The following CNDP1 variants were observed in gnomAD, a reference collection of about 807,000 sequenced individuals.
The protein encoded by CNDP1 is carnosine dipeptidase 1, also known as beta-Ala-His dipeptidase.
CNDP1 carries 44 observed loss-of-function variants against 58.1 expected under a neutral mutation model. That is an observed-to-expected ratio of 0.76 (90% CI 0.60 to 0.97). CNDP1 has a LOEUF of 0.97. Ranked by LOEUF, CNDP1 falls within the 50% of genes least tolerant of loss-of-function variation. The probability of loss-of-function intolerance (pLI) is 0.00; values close to 1 mark genes in which losing one functional copy is unlikely to be tolerated. For missense variants in CNDP1, 616 were observed against 655.1 expected (o/e 0.94, Z 0.65); for synonymous variants, 254 against 252.6 (o/e 1.01, Z -0.05).
chr18:74,546,146 A>G (rs1599086769), intron 1 of CNDP1, among the ~76,000 whole-genome samples: 1 of 152,230 alleles, frequency 6.6e-6, no homozygotes, highest in Middle Eastern at 3.4e-3. Context: ...TGGCTCTGTC[A>G]TTGTGCTACA....
At chr18:74,581,028 G>A (rs1981776407) in intron 10 of CNDP1, among the ~76,000 whole-genome samples, 1 of 152,144 alleles carries the variant, frequency 6.6e-6, no homozygotes, top group Non-Finnish European at 1.5e-5. Context: ...AATCCTTCAG[G>A]GTTGAAAATG....
intron 6 of CNDP1, among the ~76,000 whole-genome samples, chr18:74,568,703 G>C (rs1346659131): frequency 6.6e-6 from 1 of 152,094 alleles, no homozygotes; most frequent in Non-Finnish European, 1.5e-5. Flanking sequence ...ATTTTTTTCT[G>C]TTTAGTAGGA....
At chr18:74,565,789 G>A (rs1178639054) in intron 5 of CNDP1, among the ~76,000 whole-genome samples, 1 of 152,128 alleles carries the variant, frequency 6.6e-6, no homozygotes, top group Non-Finnish European at 1.5e-5. Context: ...CTACCATTCT[G>A]GGGTCTGGAG....
intron 7 of CNDP1, among the ~76,000 whole-genome samples, chr18:74,571,753 C>T (rs1055504024): frequency 3.3e-5 from 5 of 152,162 alleles, no homozygotes; most frequent in Admixed American, 6.5e-5. Flanking sequence ...GGCCCTTCAC[C>T]CACTTTCTCA....
At chr18:74,581,241 TG>T in intron 10 of CNDP1, among the ~76,000 whole-genome samples, 1 of 151,602 alleles carries the variant, frequency 6.6e-6, no homozygotes, top group South Asian at 2.1e-4. Context: ...TGTGTGTGTG[TG>T]TGTGTGTGTG....
chr18:74,570,123 T>C (rs7505047), intron 6 of CNDP1, among the ~76,000 whole-genome samples: 56,129 of 149,046 alleles, frequency 0.38, 12,887 homozygotes, highest in African/African-American at 0.65. Context: ...TGCTTGAAGC[T>C]GGGAGGCGGA....
At chr18:74,573,444 G>GTATCTATC (rs1160578646) in intron 7 of CNDP1, among the ~76,000 whole-genome samples, 67,579 of 146,368 alleles carry the variant, frequency 0.46, 15,863 homozygotes, top group Admixed American at 0.54. Flanking sequence ...ATCTATCTAT[G>GTATCTATC]TATCTATGTA....
At chr18:74,573,189 TTATC>T (rs1162044252) in intron 7 of CNDP1, among the ~76,000 whole-genome samples, 6 of 152,078 alleles carry the variant, frequency 3.9e-5, no homozygotes, top group Non-Finnish European at 5.9e-5. Flanking sequence ...TATCCATCCA[TTATC>T]TATCTATCCA....
rs1014704367 is a variant in CNDP1, at chr18:74,583,774, G to A, written c.1457+66G>A. The A allele has an allele frequency of 3.3e-5, 49 of 1,483,028 alleles. 1 individual carries two copies. The highest frequency in any genetic ancestry group is 2.8e-5 in the African/African-American group (2 of 72,410). The allele number at this position is 1,483,028 out of a possible 1,614,324, so 91.9% of individuals were successfully genotyped here. A position where few individuals can be genotyped will look rare whatever the true frequency, so the allele number is the denominator to read the frequency against. On this transcript the variant is annotated intron_variant, in intron 11 of 11. Transcript: ENST00000358821. ...TTACTGCACACACCCGGGTCTACACGTGGGTGAGCTCCTGTTCAATTTATG... is the reference window on the plus strand; with the variant it reads ...TTACTGCACACACCCGGGTCTACACATGGGTGAGCTCCTGTTCAATTTATG...
intron 5 of CNDP1, 21 bp downstream of exon 5, chr18:74,562,156 G>C (rs1568296499): frequency 6.2e-7 from 1 of 1,606,694 alleles, no homozygotes; most frequent in South Asian, 1.1e-5. Context: ...GCTGTGTTTG[G>C]GAGAGAGGAG....
At chr18:74,574,680 C>T (rs1981582683) in intron 7 of CNDP1, 1 of 152,184 alleles carries the variant, frequency 6.6e-6, no homozygotes, top group South Asian at 2.1e-4. Flanking sequence ...AACTCTTAAG[C>T]ATACTATTTT....
At chr18:74,564,626 T>A (rs1347090315) in intron 5 of CNDP1, among the ~76,000 whole-genome samples, 2 of 152,222 alleles carry the variant, frequency 1.3e-5, no homozygotes, top group Non-Finnish European at 2.9e-5. Context: ...AAATTCCTTT[T>A]GGGGAGAAGG....
intron 9 of CNDP1, among the ~76,000 whole-genome samples, chr18:74,579,203 G>GCCTTCCCTTCCCTTCCCTTC (rs1555743780): frequency 1.4e-4 from 17 of 125,518 alleles, no homozygotes; most frequent in Non-Finnish European, 2.6e-4. Context: ...CCCTTCCCTT[G>GCCTTCCCTTCCCTTCCCTTC]CCTTCCCTTC....
At chr18:74,537,081 G>A (rs1189823609) in intron 1 of CNDP1, among the ~76,000 whole-genome samples, 1 of 152,170 alleles carries the variant, frequency 6.6e-6, no homozygotes, top group East Asian at 1.9e-4. Flanking sequence ...CTATTCTGTA[G>A]GTTGTCCGTT....
At chr18:74,561,810 T>C (rs898332350) in intron 4 of CNDP1, among the ~76,000 whole-genome samples, 1 of 152,206 alleles carries the variant, frequency 6.6e-6, no homozygotes, top group African/African-American at 2.4e-5. Context: ...AATTAGCTTA[T>C]CTTATCTGAC....
At chr18:74,580,830 G>T (rs1003480397) in intron 10 of CNDP1, among the ~76,000 whole-genome samples, 1 of 152,134 alleles carries the variant, frequency 6.6e-6, no homozygotes, top group Non-Finnish European at 1.5e-5. Flanking sequence ...TTAGCTGGGC[G>T]TGGTGGCACA....
At position 74,556,408 on chromosome 18, in the gene CNDP1, C is replaced by T. The variant is rs762793335; in HGVS notation, c.95C>T (p.Pro32Leu). 48 of 1,614,070 alleles carry T rather than the reference C, an allele frequency of 3.0e-5. No homozygotes were observed. Among genetic ancestry groups the T allele is most frequent in the South Asian group, 4.4e-5 (4 of 91,086 alleles). Residue 32 changes from proline (P) to leucine (L), a missense_variant, in exon 2 of 12, where the codon CCG becomes CTG. By Grantham distance (98) the Pro-to-Leu change is moderately conservative. Coordinates refer to ENST00000358821, the MANE Select transcript of CNDP1 (RefSeq NM_032649.6). The stretch of plus-strand genomic sequence containing the variant: ...ATGTTCTCCTCACCCTCCCCGCCCC[C>T]GGCGCTGTTAGAGAAAGTCTTCCAG... Reference protein sequence around the residue: ...RGMFSSPSPPPALLEKVFQYI... With the variant: ...RGMFSSPSPPLALLEKVFQYI...
At chr18:74,561,885 G>A (rs1981208454) in intron 4 of CNDP1, 162 bp from the exon 5 acceptor site, 1 of 590,816 alleles carries the variant, frequency 1.7e-6, no homozygotes, top group East Asian at 3.0e-5. Context: ...AGTCTTATTT[G>A]TACATAAGAA....
At position 74,585,466 on chromosome 18, in the gene CNDP1, C is replaced by T. The variant is rs1375208017; in HGVS notation, c.*904C>T. On this transcript the variant is annotated 3_prime_UTR_variant, in exon 12 of 12. Transcript: ENST00000358821. ...AACTAATCAACCCTGACATCAGTAA[C>T]ACACGCTAAATTTAAAGCCATCAGC... 6.6e-6 allele frequency: 1 copy of T among 152,210 alleles called. No individual in the cohort carries two copies. The highest frequency in any genetic ancestry group is 1.9e-4 in the East Asian group (1 of 5,196). The allele number at this position is 152,210 out of a possible 1,614,324, so 9.4% of individuals were successfully genotyped here.
Sources: gnomAD v4.1 joint callset for allele counts (sites outside exome capture counted in the v4.1 genomes callset) on GRCh38, gnomAD v4.1.1 for gene constraint, MANE v1.5 for transcripts, NCBI Gene and HGNC (gene_info 2026-07-23, HGNC 2026-07-21) for gene names.